Variants in NUP58 observed in about 807,000 individuals in gnomAD.
NUP58 encodes nucleoporin 58, also known as nucleoporin p58/p45.
In NUP58, 17 loss-of-function variants were observed where a neutral mutation model predicts 70.1. The observed-to-expected ratio is 0.24, with a 90% confidence interval of 0.17 to 0.36. NUP58 has a LOEUF of 0.36. Ranked by LOEUF, NUP58 falls within the 10% of genes least tolerant of loss-of-function variation. The pLI is 1.00. For missense variants in NUP58, 644 were observed against 701.5 expected, an observed-to-expected ratio of 0.92 and a Z score of 0.93; for synonymous variants, 275 against 257.6, an observed-to-expected ratio of 1.07 and a Z score of -0.65.
At chr13:25,334,657 T>C (rs2031721088) in intron 13 of NUP58, 7 of 980,296 alleles carry the variant, frequency 7.1e-6, no homozygotes, top group African/African-American at 1.8e-5. Context: ...ATAACCATAC[T>C]AATTACATTA....
At chr13:25,326,841 G>C in intron 10 of NUP58, 75 bp from the exon 11 acceptor site, 2 of 778,544 alleles carry the variant, frequency 2.6e-6, no homozygotes, top group Non-Finnish European at 4.3e-6. Context: ...AATGATTGCA[G>C]AATATTCCTT....
intron 13 of NUP58, chr13:25,335,169 T>G: frequency 4.1e-6 from 4 of 985,350 alleles, no homozygotes; most frequent in Non-Finnish European, 4.8e-6. Flanking sequence ...GGTACAAAAC[T>G]AAAAATATCA....
At chr13:25,306,130 G>A (rs1267294235) in intron 1 of NUP58, among the ~76,000 whole-genome samples, 1 of 152,118 alleles carries the variant, frequency 6.6e-6, no homozygotes, top group Non-Finnish European at 1.5e-5. Flanking sequence ...TGCTGGCCGG[G>A]TGCGGTGGCT....
chr13:25,302,240 A>G (rs1042687156), intron 1 of NUP58, among the ~76,000 whole-genome samples: 1 of 152,242 alleles, frequency 6.6e-6, no homozygotes. Flanking sequence ...GAATGAATGA[A>G]TGAAATTATA....
intron 10 of NUP58, among the ~76,000 whole-genome samples, chr13:25,325,620 A>G (rs1380788641): frequency 2.6e-5 from 4 of 152,198 alleles, no homozygotes; most frequent in African/African-American, 4.8e-5. Flanking sequence ...CTTTACCTTC[A>G]TATTTCACAA....
intron 11 of NUP58, 45 bp downstream of exon 11, chr13:25,327,079 G>A (rs1302408634): frequency 9.1e-7 from 1 of 1,100,494 alleles, no homozygotes; most frequent in Non-Finnish European, 1.4e-6. Context: ...TTTGTTTGTA[G>A]GAGATAGATG....
chr13:25,302,051 G>C (rs1323232231), intron 1 of NUP58, among the ~76,000 whole-genome samples, 171 bp downstream of exon 1: 4 of 152,124 alleles, frequency 2.6e-5, no homozygotes, highest in Non-Finnish European at 5.9e-5. Flanking sequence ...CGCGGTACCC[G>C]GGCCCAGCGC....
intron 13 of NUP58, chr13:25,333,019 A>G: frequency 7.1e-6 from 7 of 984,346 alleles, no homozygotes; most frequent in Non-Finnish European, 7.2e-6. Flanking sequence ...TTTCCATTCT[A>G]TTAAATAGAA....
intron 13 of NUP58, chr13:25,336,168 T>C (rs1458376005): frequency 1.5e-6 from 2 of 1,360,506 alleles, no homozygotes; most frequent in Admixed American, 1.9e-5. Context: ...TCTGTCAAGG[T>C]ACACAGCGGT....
At chr13:25,334,598 C>T (rs930608756) in intron 13 of NUP58, 5 of 984,334 alleles carry the variant, frequency 5.1e-6, no homozygotes, top group Admixed American at 6.2e-5. Context: ...CTGGGGAAAA[C>T]GCATTTTAGG....
downstream of NUP58, among the ~76,000 whole-genome samples, chr13:25,342,673 ATTCCC>A (rs1339194177): frequency 6.6e-6 from 1 of 152,140 alleles, no homozygotes; most frequent in Admixed American, 6.5e-5. Context: ...TTGGGCCCTA[ATTCCC>A]TTCCATTTCC....
intron 1 of NUP58, among the ~76,000 whole-genome samples, chr13:25,306,336 C>T (rs1479174171): frequency 3.4e-5 from 5 of 145,192 alleles, no homozygotes; most frequent in Non-Finnish European, 5.9e-5. Context: ...ACCCGGGAGC[C>T]GGAGCTTGCG....
In NUP58 at chr13:25,341,908, A is replaced by C. The variant is rs1292058854; in HGVS notation, c.*1774A>C. On this transcript the variant is annotated 3_prime_UTR_variant, in exon 16 of 16. Coordinates refer to ENST00000381736, the MANE Select transcript of NUP58 (RefSeq NM_014089.4). ...AAATAGGCATTGCATACACATATGC[A>C]CACGTATGTGCATGTGCCACACATT... The C allele has an allele frequency of 3.9e-5, 6 of 152,372 alleles. No individual in the cohort carries two copies. Among genetic ancestry groups the C allele is most frequent in the Non-Finnish European group, 8.8e-5 (6 of 68,040 alleles). The allele number at this position is 152,372 out of a possible 1,614,324, so 9.4% of individuals were successfully genotyped here. A position where few individuals can be genotyped will look rare whatever the true frequency, so the allele number is the denominator to read the frequency against.
intron 15 of NUP58, chr13:25,338,999 T>C (rs1346648943): frequency 4.2e-6 from 1 of 235,744 alleles, no homozygotes; most frequent in African/African-American, 2.3e-5. Context: ...ATTTGAACTC[T>C]AGTGACTAAC....
chr13:25,320,132 C>T (rs2031118782), intron 7 of NUP58: 1 of 155,432 alleles, frequency 6.4e-6, no homozygotes, highest in African/African-American at 2.4e-5. Context: ...GTTTTGTAGA[C>T]TTTCTTTAAT....
At chr13:25,309,217 A>T (rs949489012) in intron 2 of NUP58, 30 bp from the exon 3 acceptor site, 7 of 1,539,288 alleles carry the variant, frequency 4.5e-6, no homozygotes, top group Non-Finnish European at 6.3e-6. Flanking sequence ...TTCATTGATG[A>T]TTAAATTTTA....
At chr13:25,309,007 C>T (rs2030520408) in intron 2 of NUP58, among the ~76,000 whole-genome samples, 1 of 152,058 alleles carries the variant, frequency 6.6e-6, no homozygotes, top group African/African-American at 2.4e-5. Context: ...TTGTTATAAG[C>T]AATAGTTATT....
chr13:25,335,609 A>C (rs1043828913), intron 13 of NUP58: 2 of 984,136 alleles, frequency 2.0e-6, no homozygotes, highest in Non-Finnish European at 2.4e-6. Context: ...GTAGTATAAG[A>C]ATTCTGGCTG....
intron 7 of NUP58, among the ~76,000 whole-genome samples, chr13:25,320,111 C>T (rs917150682): frequency 6.6e-6 from 1 of 152,088 alleles, no homozygotes; most frequent in Admixed American, 6.5e-5. Flanking sequence ...TTGAGCATCT[C>T]GTTGTGAGAA....
Sources: gnomAD v4.1 joint callset for allele counts (sites outside exome capture counted in the v4.1 genomes callset) on GRCh38, gnomAD v4.1.1 for gene constraint, MANE v1.5 for transcripts, NCBI Gene and HGNC (gene_info 2026-07-23, HGNC 2026-07-21) for gene names.